ARHGEF28: variants seen among roughly 807,000 people sequenced by gnomAD.
ARHGEF28 encodes the protein 190 kDa guanine nucleotide exchange factor.
ARHGEF28 carries 152 observed loss-of-function variants against 206.6 expected under a neutral mutation model. That is an observed-to-expected ratio of 0.74 (90% CI 0.64 to 0.84). The LOEUF is 0.84. Ranked by LOEUF, ARHGEF28 falls within the 40% of genes least tolerant of loss-of-function variation. The pLI is 0.00. For missense variants in ARHGEF28, 2,028 were observed against 2,073.2 expected, an observed-to-expected ratio of 0.98 and a Z score of 0.42; for synonymous variants, 763 against 776.4, an observed-to-expected ratio of 0.98 and a Z score of 0.29.
intron 5 of ARHGEF28, 114 bp downstream of exon 5, chr5:73,774,152 G>A (rs190320769): frequency 1.1e-6 from 1 of 923,166 alleles, no homozygotes; most frequent in African/African-American, 1.7e-5. Flanking sequence ...TTTACTGTTA[G>A]CTCTCATGCA....
At chr5:73,814,672 A>G (rs1756074242) in intron 9 of ARHGEF28, among the ~76,000 whole-genome samples, 1 of 152,054 alleles carries the variant, frequency 6.6e-6, no homozygotes, top group Admixed American at 6.6e-5. Context: ...GTCCTTCGGG[A>G]GCATACCTGT....
At chr5:73,816,163 C>T (rs1756196778) in intron 9 of ARHGEF28, among the ~76,000 whole-genome samples, 1 of 151,906 alleles carries the variant, frequency 6.6e-6, no homozygotes, top group East Asian at 1.9e-4. Flanking sequence ...AAGTAATGAC[C>T]CTCACAGATG....
At chr5:73,685,876 C>T (rs749772678) in intron 2 of ARHGEF28, among the ~76,000 whole-genome samples, 6 of 152,188 alleles carry the variant, frequency 3.9e-5, no homozygotes, top group Admixed American at 1.3e-4. Flanking sequence ...ATGCCTCGGC[C>T]TCCCAAAGTG....
chr5:73,860,532 T>C (rs1759333890), intron 16 of ARHGEF28, among the ~76,000 whole-genome samples: 1 of 152,136 alleles, frequency 6.6e-6, no homozygotes, highest in Non-Finnish European at 1.5e-5. Context: ...CCTGGCTGCT[T>C]TAATTCCACT....
chr5:73,716,392 T>G (rs1749581058), intron 2 of ARHGEF28, among the ~76,000 whole-genome samples: 1 of 152,252 alleles, frequency 6.6e-6, no homozygotes, highest in African/African-American at 2.4e-5. Flanking sequence ...ACCTGTTACA[T>G]AGCCTGTTGT....
Position 73,881,203 on chromosome 5 carries a change from C to G in ARHGEF28, c.2815-1269C>G, listed in dbSNP as rs948954300. On this transcript the variant is annotated intron_variant, in intron 22 of 35. Transcript: ENST00000513042. ...ATCTATCTTTCCATAGTCTTAGTAA[C>G]TGTAGCTATATAATCTTAGAAGAAT... Among the ~76,000 whole-genome samples the G allele has an allele frequency of 2.6e-5, 4 of 152,090 alleles. No homozygotes were observed. The East Asian group carries it at 7.7e-4, about 29-fold the overall frequency.
chr5:73,795,441 G>T (rs756268840), intron 9 of ARHGEF28, 50 bp downstream of exon 9: 15 of 1,480,542 alleles, frequency 1.0e-5, no homozygotes, highest in Non-Finnish European at 1.4e-5. Flanking sequence ...CCAGATCCAG[G>T]TTTAGAGTGG....
chr5:73,938,199 C>CACACA (rs1386320876), intron 35 of ARHGEF28, among the ~76,000 whole-genome samples: 3 of 150,592 alleles, frequency 2.0e-5, no homozygotes, highest in South Asian at 2.1e-4. Flanking sequence ...CACACACACA[C>CACACA]AACTCCCCAT....
chr5:73,864,909 T>C, intron 17 of ARHGEF28, 37 bp downstream of exon 17: 2 of 1,578,884 alleles, frequency 1.3e-6, no homozygotes, highest in Non-Finnish European at 1.7e-6. Context: ...ATATGTGGCA[T>C]GGTTGCTTCA....
intron 5 of ARHGEF28, among the ~76,000 whole-genome samples, chr5:73,775,793 T>G (rs1278713591): frequency 6.6e-6 from 1 of 152,160 alleles, no homozygotes; most frequent in Non-Finnish European, 1.5e-5. Flanking sequence ...TCCAGAATAT[T>G]GCGATACTAA....
At chr5:73,703,674 T>TG (rs1748736944) in intron 2 of ARHGEF28, among the ~76,000 whole-genome samples, 1 of 151,684 alleles carries the variant, frequency 6.6e-6, no homozygotes, top group African/African-American at 2.4e-5. Flanking sequence ...TGTGTGTGTG[T>TG]TATGAGTTTT....
intron 25 of ARHGEF28, 110 bp from the exon 26 acceptor site, chr5:73,887,493 A>AT (rs1226218782): frequency 5.5e-5 from 45 of 818,656 alleles, no homozygotes; most frequent in Non-Finnish European, 8.2e-5. Context: ...TAATACAGGT[A>AT]TTTTTATAAA....
chr5:73,858,725 C>A (rs1759206724), intron 16 of ARHGEF28, among the ~76,000 whole-genome samples: 1 of 152,202 alleles, frequency 6.6e-6, no homozygotes, highest in Non-Finnish European at 1.5e-5. Flanking sequence ...AACTGACTTC[C>A]TTGTGCTTTT....
intron 13 of ARHGEF28, among the ~76,000 whole-genome samples, chr5:73,850,521 T>C (rs1349738829): frequency 1.2e-4 from 19 of 152,148 alleles, no homozygotes; most frequent in Non-Finnish European, 1.5e-5. Flanking sequence ...TTTTCACTGA[T>C]AGTCCCAGCT....
At position 73,745,629 on chromosome 5, in the gene ARHGEF28, T is replaced by C. The variant is rs186289898; in HGVS notation, c.34-4208T>C. Among the ~76,000 whole-genome samples, 173 of 152,224 alleles carry C rather than the reference T, an allele frequency of 1.1e-3. 1 individual carries two copies. The highest frequency in any genetic ancestry group is 3.8e-3 in the African/African-American group (160 of 41,572). Reference sequence around the variant, plus strand: ...TATGTTTAGTATGATTCTAGTCAGTTCAGCTTTTCTGCTCTACATTTGTGA... The same window carrying C: ...TATGTTTAGTATGATTCTAGTCAGTCCAGCTTTTCTGCTCTACATTTGTGA... On this transcript the variant is annotated intron_variant, in intron 2 of 35. Transcript: ENST00000513042.
At chr5:73,685,376 G>A (rs187584185) in intron 2 of ARHGEF28, among the ~76,000 whole-genome samples, 225 of 152,268 alleles carry the variant, frequency 1.5e-3, no homozygotes, top group Admixed American at 3.7e-3. Context: ...CTAGGCCCAG[G>A]AGGATGCCAT....
intron 7 of ARHGEF28, among the ~76,000 whole-genome samples, chr5:73,785,368 ATGT>A (rs1754100529): frequency 6.6e-6 from 1 of 152,276 alleles, no homozygotes; most frequent in East Asian, 1.9e-4. Context: ...TACTTTGAAA[ATGT>A]TGTTCTTCCT....
At position 73,853,909 on chromosome 5, in the gene ARHGEF28, A is replaced by G. The variant is rs538410030; in HGVS notation, c.1790+1217A>G. On this transcript the variant is annotated intron_variant, in intron 14 of 35. Transcript: ENST00000513042. ...ATATTCATTTGTCATTAGGAGAGAG[A>G]TTTAAGACCGAAGGAGCCAATGTTA... Among the ~76,000 whole-genome samples the G allele has an allele frequency of 3.9e-5, 6 of 152,296 alleles. No individual in the cohort carries two copies. The East Asian group carries it at 5.8e-4, about 15-fold the overall frequency.
At chr5:73,707,325 C>T (rs1476543523) in intron 2 of ARHGEF28, among the ~76,000 whole-genome samples, 3 of 152,082 alleles carry the variant, frequency 2.0e-5, no homozygotes, top group Non-Finnish European at 4.4e-5. Flanking sequence ...TGATGGTGTC[C>T]GTATGTAAAG....
Sources: allele counts gnomAD v4.1 joint callset (sites outside exome capture counted in the v4.1 genomes callset), GRCh38; gene constraint gnomAD v4.1.1; transcripts MANE v1.5; gene names NCBI Gene and HGNC (gene_info 2026-07-23, HGNC 2026-07-21).